DCC: variants seen among roughly 807,000 people sequenced by gnomAD.
The protein encoded by DCC is DCC netrin 1 receptor, also known as netrin receptor DCC.
Under a neutral mutation model 172.5 loss-of-function variants are expected in DCC, and 58 were observed. The ratio of observed to expected loss-of-function variants is 0.34; its 90% CI spans 0.27 to 0.42. The LOEUF (loss-of-function observed/expected upper bound fraction) is 0.42, where lower values mean the gene tolerates loss of function less well. DCC is among the 10% of genes least tolerant of loss of function. The probability of loss-of-function intolerance (pLI) is 1.00; values close to 1 mark genes in which losing one functional copy is unlikely to be tolerated. For synonymous variants in DCC, 709 were observed against 644.5 expected (o/e 1.10, Z -1.52); for missense variants, 1,740 against 1,791.0 (o/e 0.97, Z 0.51).
At chr18:52,506,019 G>A (rs2031217379) in intron 1 of DCC, among the ~76,000 whole-genome samples, 1 of 152,280 alleles carries the variant, frequency 6.6e-6, no homozygotes, top group Non-Finnish European at 1.5e-5. Flanking sequence ...CTGGCTGACA[G>A]GGTTAAGAAA....
intron 5 of DCC, among the ~76,000 whole-genome samples, chr18:53,031,646 TATA>T (rs1370273966): frequency 1.3e-5 from 2 of 151,998 alleles, no homozygotes; most frequent in African/African-American, 2.4e-5. Flanking sequence ...TTCAAGGAAA[TATA>T]AGACAAAAAT....
chr18:52,408,259 G>A (rs577277300), intron 1 of DCC, among the ~76,000 whole-genome samples: 4 of 151,970 alleles, frequency 2.6e-5, no homozygotes, highest in Non-Finnish European at 5.9e-5. Flanking sequence ...GAACTGAAAT[G>A]AGATTAGATT....
At chr18:53,126,136 C>T (rs2043552447) in intron 7 of DCC, among the ~76,000 whole-genome samples, 1 of 152,050 alleles carries the variant, frequency 6.6e-6, no homozygotes, top group East Asian at 1.9e-4. Context: ...GAGGCAGAGA[C>T]AATAGTATGG....
intron 5 of DCC, among the ~76,000 whole-genome samples, chr18:52,926,916 T>TATACAC (rs1555682723): frequency 1.5e-5 from 2 of 136,628 alleles, no homozygotes; most frequent in African/African-American, 5.3e-5. Context: ...TATATACGTA[T>TATACAC]ACATATATAT....
intron 1 of DCC, among the ~76,000 whole-genome samples, chr18:52,642,012 GTGTA>G (rs2034902286): frequency 2.8e-5 from 1 of 35,456 alleles, no homozygotes; most frequent in Non-Finnish European, 6.0e-5. Flanking sequence ...TGGTGTGTGT[GTGTA>G]TATATATATA....
intron 2 of DCC, among the ~76,000 whole-genome samples, chr18:52,902,054 CAGAG>C (rs2039817852): frequency 6.6e-6 from 1 of 152,078 alleles, no homozygotes; most frequent in African/African-American, 2.4e-5. Context: ...TAGATGTTAG[CAGAG>C]AGCGTGTTCC....
At chr18:52,837,674 G>A (rs186799159) in intron 2 of DCC, among the ~76,000 whole-genome samples, 1 of 152,242 alleles carries the variant, frequency 6.6e-6, no homozygotes, top group Admixed American at 6.5e-5. Flanking sequence ...TGTCTTCCGA[G>A]CCCTCCAAAC....
intron 1 of DCC, among the ~76,000 whole-genome samples, chr18:52,439,190 G>A (rs1484329653): frequency 4.0e-5 from 6 of 151,602 alleles, no homozygotes; most frequent in Admixed American, 2.0e-4. Flanking sequence ...GTGTGTGTGT[G>A]TGTGTGTGTG....
intron 7 of DCC, among the ~76,000 whole-genome samples, chr18:53,154,695 T>C (rs764843879): frequency 6.6e-6 from 1 of 152,038 alleles, no homozygotes; most frequent in Non-Finnish European, 1.5e-5. Context: ...CGGGGAACCC[T>C]AGCATGCGGT....
chr18:53,358,494 G>C (rs1268651544), intron 15 of DCC, among the ~76,000 whole-genome samples: 2 of 150,412 alleles, frequency 1.3e-5, no homozygotes, highest in Non-Finnish European at 3.0e-5. Context: ...TAGGAACGTG[G>C]AGGATACTAA....
intron 25 of DCC, among the ~76,000 whole-genome samples, chr18:53,475,847 G>A (rs893341467): frequency 2.0e-5 from 3 of 152,186 alleles, no homozygotes; most frequent in Non-Finnish European, 4.4e-5. Context: ...CTGTGCACCT[G>A]GAAGAGCTGC....
At chr18:52,841,860 A>G (rs554014417) in intron 2 of DCC, among the ~76,000 whole-genome samples, 1 of 152,212 alleles carries the variant, frequency 6.6e-6, no homozygotes, top group African/African-American at 2.4e-5. Context: ...TGTTTCTGGA[A>G]GTGTGGTCCT....
chr18:52,922,564 A>G (rs985631529), intron 3 of DCC, among the ~76,000 whole-genome samples: 3 of 152,150 alleles, frequency 2.0e-5, no homozygotes, highest in Non-Finnish European at 4.4e-5. Context: ...AAAATGACAG[A>G]TTATTGGCTA....
At chr18:52,595,071 C>T (rs545500460) in intron 1 of DCC, among the ~76,000 whole-genome samples, 11 of 152,138 alleles carry the variant, frequency 7.2e-5, no homozygotes, top group Admixed American at 1.3e-4. Flanking sequence ...TGGAATGTAT[C>T]ACTTCCCTCT....
intron 5 of DCC, among the ~76,000 whole-genome samples, chr18:52,939,095 GT>G (rs985273635): frequency 1.3e-5 from 2 of 152,148 alleles, no homozygotes; most frequent in African/African-American, 4.8e-5. Context: ...GTGGGATTTG[GT>G]TTGTCTTCAC....
chr18:52,596,902 T>C (rs1336998232), intron 1 of DCC, among the ~76,000 whole-genome samples: 2 of 152,200 alleles, frequency 1.3e-5, no homozygotes, highest in East Asian at 3.9e-4. Context: ...TCTCCGTGTT[T>C]GTTTTTTCCC....
chr18:52,605,025 CT>C (rs1213876263), intron 1 of DCC, among the ~76,000 whole-genome samples: 1 of 49,006 alleles, frequency 2.0e-5, no homozygotes, highest in East Asian at 2.7e-4. Context: ...GTTCTGGAAT[CT>C]AAAAAAATGG....
intron 1 of DCC, among the ~76,000 whole-genome samples, chr18:52,360,322 C>T (rs979939182): frequency 6.6e-6 from 1 of 152,188 alleles, no homozygotes; most frequent in Non-Finnish European, 1.5e-5. Context: ...AATCCACTGC[C>T]ACCTTATAAA....
chr18:53,417,200 T>C (rs1910365579), intron 21 of DCC, among the ~76,000 whole-genome samples: 1 of 152,228 alleles, frequency 6.6e-6, no homozygotes, highest in Non-Finnish European at 1.5e-5. Context: ...GGATGCTGGC[T>C]CTCCCTGACA....
Sources: allele counts gnomAD v4.1 joint callset (sites outside exome capture counted in the v4.1 genomes callset), GRCh38; gene constraint gnomAD v4.1.1; transcripts MANE v1.5; gene names NCBI Gene and HGNC (gene_info 2026-07-23, HGNC 2026-07-21).